PTPRT: variants seen among roughly 807,000 people sequenced by gnomAD.
PTPRT encodes receptor-type tyrosine-protein phosphatase T.
A neutral mutation model predicts 176.8 loss-of-function variants in PTPRT; 56 were observed. That is an observed-to-expected ratio of 0.32 (90% CI 0.26 to 0.40). The LOEUF is 0.40. Ranked by LOEUF, PTPRT falls within the 10% of genes least tolerant of loss-of-function variation. The pLI is 1.00. For synonymous variants in PTPRT, 783 were observed against 739.0 expected, an observed-to-expected ratio of 1.06 and a Z score of -0.96; for missense variants, 1,540 against 1,908.2, an observed-to-expected ratio of 0.81 and a Z score of 3.60.
intron 1 of PTPRT, among the ~76,000 whole-genome samples, chr20:43,181,671 C>T (rs1411161765): frequency 2.0e-5 from 3 of 152,056 alleles, no homozygotes; most frequent in Admixed American, 6.6e-5. Context: ...CTTTTCTATC[C>T]CTAATGCCAC....
intron 6 of PTPRT, among the ~76,000 whole-genome samples, chr20:42,701,333 G>A (rs966783915): frequency 6.6e-6 from 1 of 152,160 alleles, no homozygotes; most frequent in Non-Finnish European, 1.5e-5. Flanking sequence ...TGTAACAGTA[G>A]GCATTAGTAA....
rs368488708 is a variant in PTPRT, at chr20:42,081,879, C to T, written c.4272+3G>A. On this transcript the variant is annotated splice_donor_region_variant and intron_variant, in intron 30 of 30. Coordinates refer to ENST00000373187, the MANE Select transcript of PTPRT (RefSeq NM_007050.6). ...GTTGGAGAACAGTCCTTGGGATACT[C>T]ACCAGGGTCTCCACCATGTTGGATT... 3.1e-6 allele frequency: 5 copies of T among 1,614,216 alleles called. No homozygotes were observed. The highest frequency in any genetic ancestry group is 4.2e-6 in the Non-Finnish European group (5 of 1,180,026).
intron 18 of PTPRT, among the ~76,000 whole-genome samples, chr20:42,130,908 C>A (rs374822579): frequency 3.3e-5 from 5 of 152,108 alleles, no homozygotes; most frequent in Non-Finnish European, 2.9e-5. Context: ...CTCCTTCAAC[C>A]ATTTATGCCT....
At chr20:42,805,201 C>A (rs570307760) in intron 2 of PTPRT, among the ~76,000 whole-genome samples, 15 of 152,276 alleles carry the variant, frequency 9.9e-5, no homozygotes, top group Non-Finnish European at 1.9e-4. Flanking sequence ...CAAGTCCTCA[C>A]GGAAAGACAG....
intron 2 of PTPRT, among the ~76,000 whole-genome samples, chr20:42,793,756 T>C (rs960261957): frequency 2.6e-5 from 4 of 152,140 alleles, no homozygotes; most frequent in Non-Finnish European, 5.9e-5. Flanking sequence ...CGAGCCTGCA[T>C]CCATGCCCAT....
intron 19 of PTPRT, among the ~76,000 whole-genome samples, chr20:42,120,471 C>G (rs1210783806): frequency 2.6e-5 from 4 of 152,230 alleles, no homozygotes; most frequent in African/African-American, 9.6e-5. Context: ...CACATTGCTT[C>G]TCTATGCCAA....
chr20:42,998,881 C>G (rs1984372208), intron 1 of PTPRT, among the ~76,000 whole-genome samples: 1 of 152,176 alleles, frequency 6.6e-6, no homozygotes, highest in African/African-American at 2.4e-5. Flanking sequence ...GCCTCTATTA[C>G]CCTCCTCTGC....
rs1442841367 is a variant in PTPRT at position 42,357,412 on chromosome 20, CT to C, written c.1561-5128del. Among the ~76,000 whole-genome samples, 10 of 152,322 alleles carry C rather than the reference CT, an allele frequency of 6.6e-5. No homozygotes were observed. The East Asian group carries it at 1.7e-3, about 26-fold the overall frequency. On this transcript the variant is annotated intron_variant, in intron 9 of 30. Transcript: ENST00000373187. ...TCTGGTGTTTGTTCAACATTTCATC[CT>C]TTTGCATGTCTAAATGAATAATTAA...
chr20:42,089,347 C>G, intron 27 of PTPRT, among the ~76,000 whole-genome samples: 1 of 152,124 alleles, frequency 6.6e-6, no homozygotes, highest in East Asian at 1.9e-4. Context: ...AAATAATTGC[C>G]TTTATCACCT....
At chr20:42,216,591 A>G (rs1189668641) in intron 15 of PTPRT, among the ~76,000 whole-genome samples, 1 of 152,146 alleles carries the variant, frequency 6.6e-6, no homozygotes, top group African/African-American at 2.4e-5. Flanking sequence ...TGCGTATTGT[A>G]TTTGTATTTC....
rs956362093 is a variant in PTPRT at position 42,631,023 on chromosome 20, G to GA, written c.1153+46842dup. Among the ~76,000 whole-genome samples the GA allele has an allele frequency of 9.3e-5, 14 of 151,058 alleles. No homozygotes were observed. In the East Asian group the frequency reaches 1.4e-3, roughly 15 times the overall value. On this transcript the variant is annotated intron_variant, in intron 7 of 30. Coordinates refer to ENST00000373187, the MANE Select transcript of PTPRT (RefSeq NM_007050.6). The stretch of plus-strand genomic sequence containing the variant: ...GACTCTTACCCAAGAAACCATTACA[G>GA]AAAAAAAAATCCTCGCCTAATAAAA...
At chr20:42,420,714 T>A (rs1006505139) in intron 9 of PTPRT, among the ~76,000 whole-genome samples, 1 of 151,992 alleles carries the variant, frequency 6.6e-6, no homozygotes, top group East Asian at 1.9e-4. Context: ...GTCCCCAGAG[T>A]GTGAAGAGCC....
intron 9 of PTPRT, among the ~76,000 whole-genome samples, chr20:42,418,831 T>C (rs182454772): frequency 6.6e-6 from 1 of 151,970 alleles, no homozygotes; most frequent in Admixed American, 6.6e-5. Context: ...TAGGACACCC[T>C]CCCCCGGCGG....
At chr20:42,975,970 C>T (rs553374038) in intron 1 of PTPRT, among the ~76,000 whole-genome samples, 2 of 151,964 alleles carry the variant, frequency 1.3e-5, no homozygotes, top group East Asian at 1.9e-4. Flanking sequence ...TCATGAAGCA[C>T]TCGATCTTCT....
intron 16 of PTPRT, among the ~76,000 whole-genome samples, chr20:42,195,793 G>A (rs1304421424): frequency 1.3e-5 from 2 of 152,118 alleles, no homozygotes; most frequent in East Asian, 3.9e-4. Context: ...ATATTTACGT[G>A]TCTGTGTAAA....
intron 27 of PTPRT, among the ~76,000 whole-genome samples, chr20:42,087,989 G>T (rs200298902): frequency 2.0e-5 from 3 of 151,998 alleles, no homozygotes; most frequent in Non-Finnish European, 4.4e-5. Context: ...ATGTTGAGGT[G>T]GGGGGTGGGG....
chr20:43,090,085 A>C (rs2011761418), intron 1 of PTPRT, among the ~76,000 whole-genome samples: 1 of 152,228 alleles, frequency 6.6e-6, no homozygotes, highest in Non-Finnish European at 1.5e-5. Flanking sequence ...ATGAATAAAC[A>C]ATCCAAATCA....
intron 1 of PTPRT, among the ~76,000 whole-genome samples, chr20:43,129,806 G>C (rs868698959): frequency 2.0e-4 from 30 of 151,162 alleles, no homozygotes; most frequent in African/African-American, 7.3e-4. Flanking sequence ...TTTTAGTAGA[G>C]ACGGGGTTTC....
intron 1 of PTPRT, among the ~76,000 whole-genome samples, chr20:42,956,854 A>T (rs769440617): frequency 1.7e-4 from 26 of 152,194 alleles, no homozygotes; most frequent in Non-Finnish European, 2.6e-4. Context: ...TCTAGGAGGC[A>T]CATAAACTGA....
Sources: allele counts gnomAD v4.1 joint callset (sites outside exome capture counted in the v4.1 genomes callset), GRCh38; gene constraint gnomAD v4.1.1; transcripts MANE v1.5; gene names NCBI Gene and HGNC (gene_info 2026-07-23, HGNC 2026-07-21).